Variants in ADAMDEC1 observed in about 807,000 individuals in gnomAD.
The protein encoded by ADAMDEC1 is ADAM DEC1.
A neutral mutation model predicts 60.4 loss-of-function variants in ADAMDEC1; 62 were observed. The ratio of observed to expected loss-of-function variants is 1.03; its 90% CI spans 0.84 to 1.27. The LOEUF is 1.27. Among genes scored for constraint, ADAMDEC1 ranks in the 50% most tolerant of loss-of-function variants. ADAMDEC1 has a pLI of 0.00. For synonymous variants in ADAMDEC1, 210 were observed against 195.1 expected (o/e 1.08, Z -0.64); for missense variants, 595 against 565.0 (o/e 1.05, Z -0.54).
At chr8:24,399,956 G>C (rs1207354593) in intron 10 of ADAMDEC1, among the ~76,000 whole-genome samples, 1 of 152,106 alleles carries the variant, frequency 6.6e-6, no homozygotes, top group Non-Finnish European at 1.5e-5. Context: ...TGGTAACTTA[G>C]TATCCATTAG....
At chr8:24,390,590 C>T (rs1156623242) in intron 1 of ADAMDEC1, among the ~76,000 whole-genome samples, 3 of 152,034 alleles carry the variant, frequency 2.0e-5, no homozygotes, top group African/African-American at 4.8e-5. Context: ...TGTGGTGGTA[C>T]GCAACTGTAA....
chr8:24,397,742 C>CT lies in ADAMDEC1; in HGVS notation c.690dup (p.Tyr231LeufsTer2). 1.2e-6 allele frequency: 2 copies of CT among 1,612,700 alleles called. No homozygotes were observed. The highest frequency in any genetic ancestry group is 1.7e-6 in the Non-Finnish European group (2 of 1,179,378). On this transcript the variant is annotated frameshift_variant, in exon 7 of 14. Transcript: ENST00000256412. LOFTEE classifies it high-confidence loss of function. ...ATCTCTATTTGGTGCTGGATAATGC[C>CT]TTTGTGAGTATGAAACACACGGCCC...
At position 24,384,406 on chromosome 8, in the gene ADAMDEC1, C is replaced by T; in HGVS notation, c.-99C>T. On this transcript the variant is annotated 5_prime_UTR_variant, in exon 1 of 14. Coordinates refer to ENST00000256412, the MANE Select transcript of ADAMDEC1 (RefSeq NM_014479.3). Reference sequence around the variant, plus strand: ...TTCCCAACACTCTTAAGAAACATTCCCCAATCTCACACGAAAAGTGGGGGT... The same window carrying T: ...TTCCCAACACTCTTAAGAAACATTCTCCAATCTCACACGAAAAGTGGGGGT... 4 of 953,452 alleles carry T rather than the reference C, an allele frequency of 4.2e-6. No individual in the cohort carries two copies. The highest frequency in any genetic ancestry group is 2.2e-4 in the Middle Eastern group (1 of 4,568). 59.1% of individuals were successfully genotyped at this position (953,452 alleles called of 1,614,324 possible).
intron 1 of ADAMDEC1, among the ~76,000 whole-genome samples, chr8:24,391,436 G>T (rs1817442338): frequency 6.6e-6 from 1 of 152,052 alleles, no homozygotes. Flanking sequence ...ATAATAATCT[G>T]GTACAAAGCT....
intron 1 of ADAMDEC1, 86 bp from the exon 2 acceptor site, chr8:24,392,176 C>A (rs1172376600): frequency 1.3e-5 from 12 of 952,968 alleles, no homozygotes; most frequent in Non-Finnish European, 1.7e-5. Flanking sequence ...GCTCTTTCAG[C>A]AACCCAAGAA....
chr8:24,399,131 T>G (rs1256823924), intron 9 of ADAMDEC1, 91 bp downstream of exon 9: 65 of 1,396,464 alleles, frequency 4.7e-5, no homozygotes, highest in Non-Finnish European at 6.2e-5. Context: ...AATATTTCCC[T>G]GATCAACTGT....
chr8:24,401,105 G>A lies in ADAMDEC1; in HGVS notation c.1142+805G>A, dbSNP rs368199101. On this transcript the variant is annotated intron_variant, in intron 11 of 13. Coordinates refer to ENST00000256412, the MANE Select transcript of ADAMDEC1 (RefSeq NM_014479.3). ...TAGTTTTCCAAATCTTTAAGAATTC[G>A]GAAGCAGTCTACAGATGTTGAATGG... Among the ~76,000 whole-genome samples the A allele has an allele frequency of 2.9e-4, 44 of 152,026 alleles. No individual in the cohort carries two copies. In the East Asian group the frequency reaches 3.9e-3, roughly 13 times the overall value.
chr8:24,384,329 C>A lies in ADAMDEC1; in HGVS notation c.-176C>A. ...GCTATAACCACAGCCATAAATATCT[C>A]TCAAAGATGAGGAACATTCTCATGA... On this transcript the variant is annotated 5_prime_UTR_variant, in exon 1 of 14. Transcript: ENST00000256412. 1 of 583,832 alleles carries A rather than the reference C, an allele frequency of 1.7e-6. No homozygotes were observed. The highest frequency in any genetic ancestry group is 3.0e-6 in the Non-Finnish European group (1 of 333,194). The allele number at this position is 583,832 out of a possible 1,614,324, so 36.2% of individuals were successfully genotyped here. A position where few individuals can be genotyped will look rare whatever the true frequency, so the allele number is the denominator to read the frequency against.
intron 1 of ADAMDEC1, chr8:24,387,381 C>T (rs1348894605): frequency 6.6e-6 from 1 of 152,154 alleles, no homozygotes; most frequent in African/African-American, 2.4e-5. Flanking sequence ...GATGATGGTT[C>T]TTCCTCCCTT....
chr8:24,393,024 A>C (rs2129359035), intron 2 of ADAMDEC1, among the ~76,000 whole-genome samples: 1 of 151,596 alleles, frequency 6.6e-6, no homozygotes, highest in East Asian at 1.9e-4. Context: ...GCAAATGAGA[A>C]GTCCCTATCT....
chr8:24,396,384 C>T (rs1264804110), intron 5 of ADAMDEC1, among the ~76,000 whole-genome samples: 2 of 152,056 alleles, frequency 1.3e-5, no homozygotes, highest in Admixed American at 6.6e-5. Context: ...TGGTGGCTGG[C>T]GCCTGTAGTC....
At chr8:24,402,127 T>C in intron 12 of ADAMDEC1, 35 bp downstream of exon 12, 1 of 1,502,910 alleles carries the variant, frequency 6.7e-7, no homozygotes, top group South Asian at 1.3e-5. Flanking sequence ...GCAGAAGAAT[T>C]ATGCAGTTTT....
At position 24,384,354 on chromosome 8, in the gene ADAMDEC1, A is replaced by G. The variant is rs1254832071; in HGVS notation, c.-151A>G. On this transcript the variant is annotated 5_prime_UTR_variant, in exon 1 of 14. An upstream start codon of the reference 5' UTR is lost. Coordinates refer to ENST00000256412, the MANE Select transcript of ADAMDEC1 (RefSeq NM_014479.3). ...CTCAAAGATGAGGAACATTCTCATG[A>G]TGTTGACACTGCAATTTTTTGACAA... The G allele has an allele frequency of 3.3e-6, 2 of 607,302 alleles. No homozygotes were observed. Among genetic ancestry groups the G allele is most frequent in the Non-Finnish European group, 5.7e-6 (2 of 350,756 alleles). The allele number at this position is 607,302 out of a possible 1,614,324, so 37.6% of individuals were successfully genotyped here.
intron 1 of ADAMDEC1, among the ~76,000 whole-genome samples, chr8:24,391,639 C>T (rs192339460): frequency 2.0e-5 from 3 of 152,162 alleles, no homozygotes; most frequent in Admixed American, 1.3e-4. Flanking sequence ...CAAAGAGAGG[C>T]CAACAAAAAC....
At chr8:24,397,532 A>G in intron 6 of ADAMDEC1, 76 bp downstream of exon 6, 3 of 1,539,748 alleles carry the variant, frequency 1.9e-6, no homozygotes, top group Non-Finnish European at 2.7e-6. Flanking sequence ...CTATTCTTAG[A>G]AATGAGTAGT....
intron 13 of ADAMDEC1, among the ~76,000 whole-genome samples, chr8:24,404,488 G>A (rs189215272): frequency 9.2e-5 from 14 of 152,200 alleles, no homozygotes; most frequent in Non-Finnish European, 1.6e-4. Flanking sequence ...AAAATCAATA[G>A]CATTTAAGAA....
intron 2 of ADAMDEC1, among the ~76,000 whole-genome samples, chr8:24,392,885 GGTT>G (rs1817482331): frequency 3.5e-5 from 3 of 85,982 alleles, no homozygotes; most frequent in Admixed American, 1.3e-4. Flanking sequence ...TGGGTTGAGA[GGTT>G]TTTTTTTTTT....
chr8:24,388,329 C>G (rs180841912), intron 1 of ADAMDEC1, among the ~76,000 whole-genome samples: 58 of 152,290 alleles, frequency 3.8e-4, no homozygotes, highest in East Asian at 3.1e-3. Flanking sequence ...TACACTTTCT[C>G]TCTAGTTAGT....
In ADAMDEC1 at chr8:24,404,094, A is replaced by G. The variant is rs372047796; in HGVS notation, c.1406+6A>G. 1 of 1,611,124 alleles carries G rather than the reference A, an allele frequency of 6.2e-7. No homozygotes were observed. The highest frequency in any genetic ancestry group is 8.5e-7 in the Non-Finnish European group (1 of 1,179,044). On this transcript the variant is annotated splice_donor_region_variant and intron_variant, in intron 13 of 13. Coordinates refer to ENST00000256412, the MANE Select transcript of ADAMDEC1 (RefSeq NM_014479.3). ...GATGCTCCAAACCATACCACGTAAGACCTTTTGTTTTCTTTGTTCCAAAAC... is the reference window on the plus strand; with the variant it reads ...GATGCTCCAAACCATACCACGTAAGGCCTTTTGTTTTCTTTGTTCCAAAAC...
Sources: gnomAD v4.1 joint callset for allele counts (sites outside exome capture counted in the v4.1 genomes callset) on GRCh38, gnomAD v4.1.1 for gene constraint, MANE v1.5 for transcripts, NCBI Gene and HGNC (gene_info 2026-07-23, HGNC 2026-07-21) for gene names.